HYKK: variants seen among roughly 807,000 people sequenced by gnomAD.
HYKK encodes the protein 5-hydroxy-L-lysine kinase.
A neutral mutation model predicts 29.7 loss-of-function variants in HYKK; 19 were observed. The ratio of observed to expected loss-of-function variants is 0.64; its 90% CI spans 0.45 to 0.94. HYKK has a LOEUF of 0.94. HYKK is among the 40% of genes least tolerant of loss of function. The pLI, the probability that HYKK is intolerant of heterozygous loss-of-function variation, is 0.00. For missense variants in HYKK, 390 were observed against 443.4 expected (o/e 0.88, Z 1.08); for synonymous variants, 152 against 158.1 (o/e 0.96, Z 0.29).
chr15:78,520,463 G>A (rs2052181267), intron 3 of HYKK, among the ~76,000 whole-genome samples: 1 of 152,006 alleles, frequency 6.6e-6, no homozygotes, highest in South Asian at 2.1e-4. Context: ...CTGCCTTCAA[G>A]CATCTGTTTA....
chr15:78,537,195 C>G (rs34989313), downstream of HYKK: 3 of 468,348 alleles, frequency 6.4e-6, no homozygotes, highest in East Asian at 9.6e-5. Flanking sequence ...TAATAAATCC[C>G]CTCCTGTTTA....
At chr15:78,518,517 T>A (rs778935125) in intron 3 of HYKK, 13 of 446,950 alleles carry the variant, frequency 2.9e-5, no homozygotes, top group Non-Finnish European at 3.6e-5. Flanking sequence ...TGTTTTTCAT[T>A]GCCTAACGTC....
intron 1 of HYKK, among the ~76,000 whole-genome samples, chr15:78,512,317 G>T (rs2052080866): frequency 1.3e-5 from 2 of 151,982 alleles, no homozygotes; most frequent in South Asian, 4.2e-4. Context: ...TTTAACCTAA[G>T]ACGGTAGGAA....
At chr15:78,523,268 G>C (rs987232200) in intron 3 of HYKK, among the ~76,000 whole-genome samples, 1 of 152,226 alleles carries the variant, frequency 6.6e-6, no homozygotes, top group Non-Finnish European at 1.5e-5. Flanking sequence ...GGAAGGCAAA[G>C]TGGGAGCAGG....
rs768479375 is a variant in HYKK at position 78,536,476 on chromosome 15, C to G, written c.*2806C>G. The stretch of plus-strand genomic sequence containing the variant: ...TGGGAACCAGAATAATGGACTGAAA[C>G]TTGGGTTTCACTTCCAGACCAGTGT... On this transcript the variant is annotated 3_prime_UTR_variant, in exon 5 of 5. Transcript: ENST00000388988. 1 of 152,206 alleles carries G rather than the reference C, an allele frequency of 6.6e-6. No individual in the cohort carries two copies. The highest frequency in any genetic ancestry group is 2.4e-5 in the African/African-American group (1 of 41,446). 9.4% of individuals were successfully genotyped at this position (152,206 alleles called of 1,614,324 possible). A position where few individuals can be genotyped will look rare whatever the true frequency, so the allele number is the denominator to read the frequency against.
At chr15:78,510,464 G>T (rs533312245) in intron 1 of HYKK, among the ~76,000 whole-genome samples, 1 of 152,142 alleles carries the variant, frequency 6.6e-6, no homozygotes, top group South Asian at 2.1e-4. Flanking sequence ...CTCCCAAAGT[G>T]GTGGGATTAC....
chr15:78,513,695 CAGAT>C (rs1295126858), intron 2 of HYKK, among the ~76,000 whole-genome samples: 1 of 152,180 alleles, frequency 6.6e-6, no homozygotes, highest in African/African-American at 2.4e-5. Context: ...AAGGCCCTGA[CAGAT>C]AGTAACTAAG....
rs371842780 is a variant in HYKK at position 78,536,601 on chromosome 15, C to G, written c.*2931C>G. 1 of 152,118 alleles carries G rather than the reference C, an allele frequency of 6.6e-6. No individual in the cohort carries two copies. Among genetic ancestry groups the G allele is most frequent in the African/African-American group, 2.4e-5 (1 of 41,412 alleles). 9.4% of individuals were successfully genotyped at this position (152,118 alleles called of 1,614,324 possible). A position where few individuals can be genotyped will look rare whatever the true frequency, so the allele number is the denominator to read the frequency against. On this transcript the variant is annotated 3_prime_UTR_variant, in exon 5 of 5. Coordinates refer to ENST00000388988, the MANE Select transcript of HYKK (RefSeq NM_001013619.4). ...AATTCCTAATGCAAATATTGCTGAC[C>G]ACTGTTTAGATGTTTACATGCTGCA... is the stretch of plus-strand genomic sequence containing the variant.
chr15:78,515,118 G>A lies in HYKK; in HGVS notation c.477+11G>A. 2 of 1,537,974 alleles carry A rather than the reference G, an allele frequency of 1.3e-6. No individual in the cohort carries two copies. The highest frequency in any genetic ancestry group is 1.7e-6 in the Non-Finnish European group (2 of 1,143,150). On this transcript the variant is annotated intron_variant, in intron 3 of 4. Transcript: ENST00000388988. ...GATAAGACACTGCAGGTAAGATTTG[G>A]GGCTTTATTTTATTCTAAGGGATGT... is the stretch of plus-strand genomic sequence containing the variant.
At chr15:78,525,776 G>A (rs374062765) in intron 3 of HYKK, among the ~76,000 whole-genome samples, 2 of 152,208 alleles carry the variant, frequency 1.3e-5, no homozygotes, top group East Asian at 3.8e-4. Flanking sequence ...TGGGATTACA[G>A]GCATGAGCCA....
intron 3 of HYKK, among the ~76,000 whole-genome samples, chr15:78,519,391 T>C (rs1249062138): frequency 2.0e-5 from 3 of 152,246 alleles, no homozygotes; most frequent in African/African-American, 7.2e-5. Context: ...CACAATAATA[T>C]AAGTTGGATT....
At chr15:78,509,023 G>A (rs1313182704) in intron 1 of HYKK, among the ~76,000 whole-genome samples, 1 of 151,936 alleles carries the variant, frequency 6.6e-6, no homozygotes, top group Non-Finnish European at 1.5e-5. Context: ...ACTCCAGACT[G>A]GGTGACAGAG....
intron 1 of HYKK, among the ~76,000 whole-genome samples, chr15:78,512,330 T>G (rs1300408007): frequency 6.6e-6 from 1 of 152,218 alleles, no homozygotes; most frequent in African/African-American, 2.4e-5. Flanking sequence ...GGTAGGAATA[T>G]AGTCAAAAGG....
chr15:78,526,050 A>C (rs1435695199), intron 3 of HYKK, among the ~76,000 whole-genome samples: 1 of 152,202 alleles, frequency 6.6e-6, no homozygotes, highest in Non-Finnish European at 1.5e-5. Context: ...TCAGCCTTAT[A>C]ATAACAAGTC....
intron 4 of HYKK, 166 bp downstream of exon 4, chr15:78,527,729 C>T: frequency 7.2e-7 from 1 of 1,386,470 alleles, no homozygotes; most frequent in Non-Finnish European, 9.3e-7. Flanking sequence ...CTCAAAATTG[C>T]TACATTTGAA....
chr15:78,529,707 ATTT>A (rs765447610), intron 4 of HYKK, among the ~76,000 whole-genome samples: 2 of 151,940 alleles, frequency 1.3e-5, no homozygotes, highest in Non-Finnish European at 2.9e-5. Flanking sequence ...TATTGAAATT[ATTT>A]TTTTCTCATT....
At chr15:78,509,189 C>T (rs1232475495) in intron 1 of HYKK, among the ~76,000 whole-genome samples, 1 of 152,052 alleles carries the variant, frequency 6.6e-6, no homozygotes, top group East Asian at 1.9e-4. Context: ...ATATGGAGCG[C>T]TTATATAAAG....
At chr15:78,514,406 G>A (rs1480221486) in intron 2 of HYKK, among the ~76,000 whole-genome samples, 4 of 152,166 alleles carry the variant, frequency 2.6e-5, no homozygotes, top group Non-Finnish European at 5.9e-5. Flanking sequence ...TTTTTTAAAG[G>A]TTCGAAATCT....
Position 78,513,260 on chromosome 15 carries a change from G to A in HYKK, c.172G>A (p.Gly58Ser). The A allele has an allele frequency of 7.4e-6, 12 of 1,614,138 alleles. No homozygotes were observed. Among genetic ancestry groups the A allele is most frequent in the Non-Finnish European group, 1.0e-5 (12 of 1,180,036 alleles). Residue 58 changes from glycine to serine, a missense_variant, in exon 2 of 5, where the codon GGC becomes AGC. Coordinates refer to ENST00000388988, the MANE Select transcript of HYKK (RefSeq NM_001013619.4). Reference protein sequence around the residue: ...FHVYVSKTKDGPTEYVLKISN... With the variant: ...FHVYVSKTKDSPTEYVLKISN... ...TGTCTACGTTTCAAAAACCAAAGAT[G>A]GCCCAACTGAATATGTCCTCAAAAT...
Sources: gnomAD v4.1 joint callset for allele counts (sites outside exome capture counted in the v4.1 genomes callset) on GRCh38, gnomAD v4.1.1 for gene constraint, MANE v1.5 for transcripts, NCBI Gene and HGNC (gene_info 2026-07-23, HGNC 2026-07-21) for gene names.